The following STARD13 variants were observed in gnomAD, a reference collection of about 807,000 sequenced individuals.
STARD13 encodes StAR related lipid transfer domain containing 13.
Under a neutral mutation model 106.4 loss-of-function variants are expected in STARD13, and 62 were observed. The ratio of observed to expected loss-of-function variants is 0.58; its 90% CI spans 0.48 to 0.72. The LOEUF is 0.72. Among genes scored for constraint, STARD13 ranks in the 30% least tolerant of loss-of-function variants. The probability of loss-of-function intolerance (pLI) is 0.00; values close to 1 mark genes in which losing one functional copy is unlikely to be tolerated. For synonymous variants in STARD13, 565 were observed against 553.0 expected, an observed-to-expected ratio of 1.02 and a Z score of -0.31; for missense variants, 1,387 against 1,424.0, an observed-to-expected ratio of 0.97 and a Z score of 0.42.
At chr13:33,442,149 A>G in the STARD13 span, among the ~76,000 whole-genome samples, 1 of 152,362 alleles carries the variant, frequency 6.6e-6, no homozygotes, top group Non-Finnish European at 1.5e-5. Flanking sequence ...TCTAAATACA[A>G]TAATGTTCTG....
chr13:33,469,480 A>G, the STARD13 span, among the ~76,000 whole-genome samples: 1 of 152,192 alleles, frequency 6.6e-6, no homozygotes, highest in Non-Finnish European at 1.5e-5. Context: ...CCTCACTCTG[A>G]GTATTGGCAG....
intron 3 of STARD13, among the ~76,000 whole-genome samples, chr13:33,149,929 T>C (rs1200097467): frequency 1.3e-5 from 2 of 152,226 alleles, no homozygotes; most frequent in East Asian, 1.9e-4. Flanking sequence ...TCATAAGTAA[T>C]ATAAAATCCT....
At chr13:33,328,046 A>T (rs1383188754) in intron 1 of STARD13, among the ~76,000 whole-genome samples, 1 of 152,248 alleles carries the variant, frequency 6.6e-6, no homozygotes, top group Non-Finnish European at 1.5e-5. Context: ...TTTTGGCTTA[A>T]TCATACCTAA....
At chr13:33,622,334 G>A in the STARD13 span, among the ~76,000 whole-genome samples, 7 of 151,910 alleles carry the variant, frequency 4.6e-5, no homozygotes, top group East Asian at 3.9e-4. Flanking sequence ...CTCCAGTACC[G>A]TGTAAAAAGA....
the STARD13 span, among the ~76,000 whole-genome samples, chr13:33,648,710 C>G: frequency 1.3e-5 from 2 of 151,248 alleles, no homozygotes; most frequent in East Asian, 1.9e-4. Flanking sequence ...TTCCCCAAAT[C>G]ACAGCTACTT....
chr13:33,450,639 A>C, the STARD13 span, among the ~76,000 whole-genome samples: 1 of 152,226 alleles, frequency 6.6e-6, no homozygotes, highest in Admixed American at 6.5e-5. Flanking sequence ...CTTTAGGATC[A>C]TAACTTTTTT....
chr13:33,154,180 G>C (rs1165801977), intron 3 of STARD13, among the ~76,000 whole-genome samples: 1 of 152,198 alleles, frequency 6.6e-6, no homozygotes, highest in Non-Finnish European at 1.5e-5. Flanking sequence ...ACTGGGGGCA[G>C]GGGGCAGGAA....
chr13:33,652,848 T>C, the STARD13 span, among the ~76,000 whole-genome samples: 1 of 152,044 alleles, frequency 6.6e-6, no homozygotes. Flanking sequence ...TAGTAGGTAG[T>C]GATATCTGTT....
intron 1 of STARD13, among the ~76,000 whole-genome samples, chr13:33,230,572 CT>C (rs978776808): frequency 2.1e-4 from 32 of 152,350 alleles, no homozygotes; most frequent in African/African-American, 7.0e-4. Flanking sequence ...GCTATATCCA[CT>C]TTTTTTCATC....
At chr13:33,391,818 TC>T in the STARD13 span, among the ~76,000 whole-genome samples, 2 of 152,200 alleles carry the variant, frequency 1.3e-5, no homozygotes, top group African/African-American at 4.8e-5. Context: ...TTGCCCTGCT[TC>T]AGAGGAAACA....
At chr13:33,139,828 G>A (rs887948752) in intron 4 of STARD13, among the ~76,000 whole-genome samples, 1 of 151,988 alleles carries the variant, frequency 6.6e-6, no homozygotes, top group Non-Finnish European at 1.5e-5. Flanking sequence ...TCACAGAAAC[G>A]GGTGTCACAA....
the STARD13 span, among the ~76,000 whole-genome samples, chr13:33,518,110 A>G: frequency 1.3e-5 from 2 of 152,202 alleles, no homozygotes; most frequent in East Asian, 3.9e-4. Context: ...AGCAGAAACA[A>G]CTTCCAGGAG....
chr13:33,222,127 A>C (rs1404021689), intron 1 of STARD13, among the ~76,000 whole-genome samples: 1 of 152,060 alleles, frequency 6.6e-6, no homozygotes. Context: ...CCAGCCTGGC[A>C]ACAGAGCGAG....
chr13:33,327,629 C>T (rs992062846), intron 1 of STARD13, among the ~76,000 whole-genome samples: 9 of 152,152 alleles, frequency 5.9e-5, no homozygotes, highest in South Asian at 2.1e-4. Context: ...GTTCAGCCTC[C>T]GATAGCACTG....
At chr13:33,553,765 A>T in the STARD13 span, among the ~76,000 whole-genome samples, 1 of 151,742 alleles carries the variant, frequency 6.6e-6, no homozygotes, top group African/African-American at 2.4e-5. Context: ...TTTTTAGTAG[A>T]GACGGGGTTT....
At chr13:33,643,887 G>A in the STARD13 span, among the ~76,000 whole-genome samples, 1 of 152,214 alleles carries the variant, frequency 6.6e-6, no homozygotes, top group Admixed American at 6.5e-5. Flanking sequence ...AGGCTGGATG[G>A]GGAGATGGGC....
At chr13:33,662,408 C>T in the STARD13 span, among the ~76,000 whole-genome samples, 1 of 152,030 alleles carries the variant, frequency 6.6e-6, no homozygotes, top group Non-Finnish European at 1.5e-5. Context: ...TAAAAATTTG[C>T]TTTGTTTTGA....
chr13:33,294,622 G>A (rs1028042875), intron 1 of STARD13, among the ~76,000 whole-genome samples: 2 of 152,058 alleles, frequency 1.3e-5, no homozygotes, highest in Non-Finnish European at 2.9e-5. Context: ...GTATTTTCTA[G>A]AACCTACTTA....
chr13:33,564,113 C>A, the STARD13 span, among the ~76,000 whole-genome samples: 1 of 143,774 alleles, frequency 7.0e-6, no homozygotes, highest in Non-Finnish European at 1.5e-5. Flanking sequence ...ATCACTTGAA[C>A]CCGGGAATTG....
Sources: allele counts gnomAD v4.1 joint callset (sites outside exome capture counted in the v4.1 genomes callset), GRCh38; gene constraint gnomAD v4.1.1; transcripts MANE v1.5; gene names NCBI Gene and HGNC (gene_info 2026-07-23, HGNC 2026-07-21).